TMEM132D: variants seen among roughly 807,000 people sequenced by gnomAD.
The protein encoded by TMEM132D is transmembrane protein 132D.
TMEM132D carries 21 observed loss-of-function variants against 62.3 expected under a neutral mutation model. The ratio of observed to expected loss-of-function variants is 0.34; its 90% confidence interval spans 0.24 to 0.49. TMEM132D has a LOEUF of 0.49. Ranked by LOEUF, TMEM132D falls within the 20% of genes least tolerant of loss-of-function variation. The probability of loss-of-function intolerance (pLI) is 0.99; values close to 1 mark genes in which losing one functional copy is unlikely to be tolerated. For synonymous variants in TMEM132D, 621 were observed against 575.6 expected, an observed-to-expected ratio of 1.08 and a Z score of -1.13; for missense variants, 1,346 against 1,402.8, an observed-to-expected ratio of 0.96 and a Z score of 0.65.
At chr12:129,080,137 T>A (rs545230999) in intron 7 of TMEM132D, among the ~76,000 whole-genome samples, 1 of 152,334 alleles carries the variant, frequency 6.6e-6, no homozygotes, top group South Asian at 2.1e-4. Flanking sequence ...GACAGATATG[T>A]TTTGTCTGAC....
At chr12:129,653,244 C>A (rs1593106329) in intron 2 of TMEM132D, among the ~76,000 whole-genome samples, 1 of 152,096 alleles carries the variant, frequency 6.6e-6, no homozygotes, top group Non-Finnish European at 1.5e-5. Context: ...GAGAACGGCT[C>A]AAATGAAGTC....
chr12:129,113,782 G>C (rs1320190907), intron 5 of TMEM132D, among the ~76,000 whole-genome samples: 1 of 151,834 alleles, frequency 6.6e-6, no homozygotes, highest in Non-Finnish European at 1.5e-5. Context: ...GGGCTGGGTG[G>C]TCTCTGTAGA....
chr12:129,901,873 C>G (rs118014673), intron 1 of TMEM132D, among the ~76,000 whole-genome samples: 3 of 100,278 alleles, frequency 3.0e-5, no homozygotes, highest in Admixed American at 9.3e-5. Flanking sequence ...CCCCCCCGCC[C>G]CAAAAAAAAA....
intron 5 of TMEM132D, among the ~76,000 whole-genome samples, chr12:129,130,192 G>A (rs1402604407): frequency 1.3e-5 from 2 of 152,078 alleles, no homozygotes; most frequent in Non-Finnish European, 2.9e-5. Context: ...TTCTGCTGGA[G>A]GGTGACACCC....
At chr12:129,126,214 C>T (rs1264493529) in intron 5 of TMEM132D, among the ~76,000 whole-genome samples, 1 of 151,466 alleles carries the variant, frequency 6.6e-6, no homozygotes, top group Non-Finnish European at 1.5e-5. Flanking sequence ...TCTATAAATC[C>T]CTCTATATTT....
At chr12:129,199,063 C>A (rs1878621332) in intron 5 of TMEM132D, among the ~76,000 whole-genome samples, 1 of 149,670 alleles carries the variant, frequency 6.7e-6, no homozygotes, top group African/African-American at 2.5e-5. Context: ...ATTAAAACAT[C>A]ACAATTTCTA....
At chr12:129,344,980 A>G (rs564286513) in intron 3 of TMEM132D, among the ~76,000 whole-genome samples, 2 of 152,058 alleles carry the variant, frequency 1.3e-5, no homozygotes, top group Non-Finnish European at 2.9e-5. Flanking sequence ...ATTGAGAAGC[A>G]CAAGGATGGA....
In TMEM132D at chr12:129,782,194, G is replaced by A. The variant is rs535536437; in HGVS notation, c.80-81496C>T. Among the ~76,000 whole-genome samples, 77 of 152,224 alleles carry A rather than the reference G, an allele frequency of 5.1e-4. 1 individual carries two copies. Among genetic ancestry groups the A allele is most frequent in the African/African-American group, 1.7e-3 (71 of 41,522 alleles). On this transcript the variant is annotated intron_variant, in intron 1 of 8. Transcript: ENST00000422113. ...CTTACTGGTTCAGCATCCCTAATCC[G>A]AAAAATCCAAAATCTGAAAGCCTCC...
At chr12:129,252,730 T>A (rs920856004) in intron 4 of TMEM132D, among the ~76,000 whole-genome samples, 24 of 152,016 alleles carry the variant, frequency 1.6e-4, no homozygotes, top group Non-Finnish European at 3.2e-4. Flanking sequence ...TGCTATAAAG[T>A]CACATGCACA....
In TMEM132D at chr12:129,596,762, C is replaced by T. The variant is rs145689331; in HGVS notation, c.969-65557G>A. 5.4e-3 allele frequency among the ~76,000 whole-genome samples: 819 copies of T among 151,960 alleles called. 13 individuals carry two copies. The highest frequency in any genetic ancestry group is 0.018 in the African/African-American group (762 of 41,438). On this transcript the variant is annotated intron_variant, in intron 2 of 8. Coordinates refer to ENST00000422113, the MANE Select transcript of TMEM132D (RefSeq NM_133448.3). Reference sequence around the variant, plus strand: ...AATTCCATATGCCTCTGACCTCATTCGAATGGTGTTTTTTTTTTTAAACTC... The same window carrying T: ...AATTCCATATGCCTCTGACCTCATTTGAATGGTGTTTTTTTTTTTAAACTC...
At chr12:129,260,858 T>C (rs1566014968) in intron 4 of TMEM132D, among the ~76,000 whole-genome samples, 1 of 152,378 alleles carries the variant, frequency 6.6e-6, no homozygotes, top group East Asian at 1.9e-4. Context: ...TTCATTTTTA[T>C]GGCTGAATAG....
chr12:129,076,225 A>G (rs934553608), intron 8 of TMEM132D, among the ~76,000 whole-genome samples: 2 of 152,366 alleles, frequency 1.3e-5, no homozygotes, highest in Non-Finnish European at 2.9e-5. Context: ...ATGTTTGGGC[A>G]TGGCATTTAT....
At chr12:129,805,355 T>C (rs1871945709) in intron 1 of TMEM132D, among the ~76,000 whole-genome samples, 2 of 151,892 alleles carry the variant, frequency 1.3e-5, no homozygotes, top group South Asian at 4.1e-4. Context: ...TATAGACCAA[T>C]GGAACAGAAC....
chr12:129,184,445 A>G (rs974283325), intron 5 of TMEM132D, among the ~76,000 whole-genome samples: 4 of 152,046 alleles, frequency 2.6e-5, no homozygotes, highest in Non-Finnish European at 5.9e-5. Flanking sequence ...TGCCTACGGG[A>G]TGGGGTTGAT....
intron 3 of TMEM132D, among the ~76,000 whole-genome samples, chr12:129,407,474 A>G (rs527390384): frequency 2.0e-5 from 3 of 152,340 alleles, no homozygotes; most frequent in Admixed American, 6.5e-5. Context: ...ACTAAGTATA[A>G]AAATTTCTAA....
chr12:129,367,262 C>G (rs1218796591), intron 3 of TMEM132D, among the ~76,000 whole-genome samples: 1 of 152,194 alleles, frequency 6.6e-6, no homozygotes, highest in African/African-American at 2.4e-5. Context: ...CATTATCTGT[C>G]TGTCTGTCTA....
At chr12:129,833,518 GGGA>G (rs544361881) in intron 1 of TMEM132D, among the ~76,000 whole-genome samples, 31 of 152,278 alleles carry the variant, frequency 2.0e-4, no homozygotes, top group South Asian at 4.1e-4. Context: ...CCAGCTACTT[GGGA>G]GGAGGAGGTG....
chr12:129,631,862 G>GT (rs1879353279), intron 2 of TMEM132D, among the ~76,000 whole-genome samples: 1 of 152,142 alleles, frequency 6.6e-6, no homozygotes, highest in Non-Finnish European at 1.5e-5. Flanking sequence ...TTAATATGTT[G>GT]TAACTTGACT....
At chr12:129,584,510 G>A (rs1877964862) in intron 2 of TMEM132D, among the ~76,000 whole-genome samples, 1 of 152,190 alleles carries the variant, frequency 6.6e-6, no homozygotes, top group South Asian at 2.1e-4. Context: ...TTTAGGCTCA[G>A]CCATGTGACT....
Sources: allele counts gnomAD v4.1 joint callset (sites outside exome capture counted in the v4.1 genomes callset), GRCh38; gene constraint gnomAD v4.1.1; transcripts MANE v1.5; gene names NCBI Gene and HGNC (gene_info 2026-07-23, HGNC 2026-07-21).